Variants in OR2T11 observed in about 807,000 individuals in gnomAD.
OR2T11 encodes olfactory receptor family 2 subfamily T member 11.
In OR2T11, 14 loss-of-function variants were observed where a neutral mutation model predicts 13.5. The ratio of observed to expected loss-of-function variants is 1.04; its 90% CI spans 0.69 to 1.62. The LOEUF (loss-of-function observed/expected upper bound fraction) is 1.62, where lower values mean the gene tolerates loss of function less well. OR2T11 is among the 40% of genes most tolerant of loss of function. OR2T11 has a pLI of 0.00. For missense variants in OR2T11, 410 were observed against 389.7 expected (o/e 1.05, Z -0.44); for synonymous variants, 163 against 154.6 (o/e 1.05, Z -0.40).
At position 248,626,322 on chromosome 1, in the gene OR2T11, T is replaced by G; in HGVS notation, c.807A>C (p.Lys269Asn). The change falls in exon 2 of 2, where the codon AAA becomes AAC. Residue 269 changes from lysine (K) to asparagine (N), a missense_variant. Lys to Asn is a moderately conservative substitution (Grantham distance 94, BLOSUM62 0). Coordinates refer to ENST00000641193, the MANE Select transcript of OR2T11 (RefSeq NM_001001964.2). ...CAATGGTATAGAAGGCTGACACTAC[T>G]TTGTCCTGCTCGGGGGTGTGGAAGG... is the stretch of plus-strand genomic sequence containing the variant. ...PQSFHTPEQD[K>N]VVSAFYTIVT... is the part of the protein sequence containing the mutation. 6.4e-7 allele frequency: 1 copy of G among 1,572,516 alleles called. No individual in the cohort carries two copies. The highest frequency in any genetic ancestry group is 1.1e-5 in the South Asian group (1 of 88,886).
chr1:248,631,766 T>A (rs1001106546), intron 1 of OR2T11, among the ~76,000 whole-genome samples: 4 of 142,910 alleles, frequency 2.8e-5, no homozygotes, highest in African/African-American at 1.1e-4. Context: ...AAAAATCTCA[T>A]CAAATGTACC....
chr1:248,634,915 TAATAAGG>T (rs1660666213), intron 1 of OR2T11, 116 bp downstream of exon 1: 1 of 145,180 alleles, frequency 6.9e-6, no homozygotes, highest in East Asian at 2.0e-4. Context: ...ATAAAGCAGT[TAATAAGG>T]TATGTAATAA....
Position 248,634,669 on chromosome 1 carries a change from A to AAAT in OR2T11, c.-145+368_-145+369insATT, listed in dbSNP as rs1325972246. 2.2e-5 allele frequency among the ~76,000 whole-genome samples: 3 copies of AAAT among 138,658 alleles called. No individual in the cohort carries two copies. The East Asian group carries it at 6.3e-4, about 29-fold the overall frequency. 91.0% of individuals were successfully genotyped at this position (138,658 alleles called of 152,430 possible). ...CTTTATGTATGGAACTTCTTTGTAG[A>AAAT]GTCAGGACCTGACGTTTCAGTCATT... On this transcript the variant is annotated intron_variant, in intron 1 of 1. Transcript: ENST00000641193.
At position 248,633,697 on chromosome 1, in the gene OR2T11, A is replaced by G. The variant is rs1325007760; in HGVS notation, c.-145+1341T>C. 1.6e-4 allele frequency among the ~76,000 whole-genome samples: 2 copies of G among 12,800 alleles called. 1 individual carries two copies. Among genetic ancestry groups the G allele is most frequent in the Admixed American group, 3.0e-3 (2 of 662 alleles). The allele number at this position is 12,800 out of a possible 152,430, so 8.4% of individuals were successfully genotyped here. ...CAAGTTTATAGAATACTTCATTAAC[A>G]TCACTGGTCATTTCAATTAAACACT... On this transcript the variant is annotated intron_variant, in intron 1 of 1. Coordinates refer to ENST00000641193, the MANE Select transcript of OR2T11 (RefSeq NM_001001964.2).
Position 248,626,374 on chromosome 1 carries a change from G to A in OR2T11, c.755C>T (p.Ala252Val), listed in dbSNP as rs1235848068. Residue 252 changes from alanine to valine, a missense_variant, in exon 2 of 2, where the codon GCC (alanine) becomes GTC (valine). Physicochemically the swap from Ala to Val is moderately conservative, Grantham distance 64. Transcript: ENST00000641193. ...CTGGGGCAGCACGTATGTGTAGAAG[G>A]CAGCCCCATAGAAGATGCTAACTAC... ...LTVVSIFYGA[A>V]FYTYVLPQSF... 1.9e-6 allele frequency: 3 copies of A among 1,573,196 alleles called. No homozygotes were observed. Among genetic ancestry groups the A allele is most frequent in the South Asian group, 2.2e-5 (2 of 88,910 alleles).
chr1:248,626,833 A>G lies in OR2T11; in HGVS notation c.296T>C (p.Phe99Ser). The G allele has an allele frequency of 6.4e-7, 1 of 1,572,472 alleles. No homozygotes were observed. Among genetic ancestry groups the G allele is most frequent in the Non-Finnish European group, 8.6e-7 (1 of 1,156,350 alleles). The change falls in exon 2 of 2, where the codon TTC (phenylalanine) becomes TCC (serine). Residue 99 changes from phenylalanine (F) to serine (S), a missense_variant. Phe to Ser is a radical substitution (Grantham distance 155). Coordinates refer to ENST00000641193, the MANE Select transcript of OR2T11 (RefSeq NM_001001964.2). Reference protein sequence around the residue: ...ISFVACGIQIFLYLTMIGSEF... With the variant: ...ISFVACGIQISLYLTMIGSEF... ...AGAACCAATCATGGTCAGGTAGAGG[A>G]AGATCTGGATGCCACAGGCCACAAA...
At position 248,631,105 on chromosome 1, in the gene OR2T11, C is replaced by T. The variant is rs1660607112; in HGVS notation, c.-144-3833G>A. 1.4e-5 allele frequency among the ~76,000 whole-genome samples: 2 copies of T among 143,142 alleles called. 1 individual carries two copies. The highest frequency in any genetic ancestry group is 5.5e-5 in the African/African-American group (2 of 36,260). The allele number at this position is 143,142 out of a possible 152,430, so 93.9% of individuals were successfully genotyped here. ...ACCTCATAGAAAAGTAGGTAGCCTTCCCAACATCGTGATTTCAGTCCAGTG... is the reference window on the plus strand; with the variant it reads ...ACCTCATAGAAAAGTAGGTAGCCTTTCCAACATCGTGATTTCAGTCCAGTG... On this transcript the variant is annotated intron_variant, in intron 1 of 1. Transcript: ENST00000641193.
chr1:248,624,152 A>G lies in OR2T11; in HGVS notation c.*2026T>C, dbSNP rs1481310458. The G allele has an allele frequency of 2.1e-5, 3 of 143,072 alleles. No homozygotes were observed. The highest frequency in any genetic ancestry group is 4.5e-5 in the Non-Finnish European group (3 of 66,264). 8.9% of individuals were successfully genotyped at this position (143,072 alleles called of 1,614,324 possible). Reference sequence around the variant, plus strand: ...GTGCTTTCGGCCACTCTCAAAGGCCATCTTTCTGAAACTTTCCTCCATTTC... The same window carrying G: ...GTGCTTTCGGCCACTCTCAAAGGCCGTCTTTCTGAAACTTTCCTCCATTTC... On this transcript the variant is annotated 3_prime_UTR_variant, in exon 2 of 2. Transcript: ENST00000641193.
At position 248,626,407 on chromosome 1, in the gene OR2T11, T is replaced by C; in HGVS notation, c.722A>G (p.His241Arg). 1 of 1,571,418 alleles carries C rather than the reference T, an allele frequency of 6.4e-7. No individual in the cohort carries two copies. The highest frequency in any genetic ancestry group is 8.7e-7 in the Non-Finnish European group (1 of 1,155,810). Residue 241 changes from histidine (H) to arginine (R), a missense_variant, in exon 2 of 2, where the codon CAC becomes CGC. By Grantham distance (29) the His-to-Arg change is conservative (BLOSUM62 0). Coordinates refer to ENST00000641193, the MANE Select transcript of OR2T11 (RefSeq NM_001001964.2). ...ATAGAAGATGCTAACTACAGTCAAG[T>C]GGGAGGAACAAGTGGTGAAGGCCTT... is the stretch of plus-strand genomic sequence containing the variant. ...RKKAFTTCSS[H>R]LTVVSIFYGA...
At chr1:248,634,820 G>A (rs4916149) in intron 1 of OR2T11, among the ~76,000 whole-genome samples, 3 of 142,996 alleles carry the variant, frequency 2.1e-5, no homozygotes, top group African/African-American at 5.5e-5. Context: ...AGAGGTCTGC[G>A]TTTTTCCTTT....
chr1:248,630,695 T>TATGAAGTTAATTA lies in OR2T11; in HGVS notation c.-144-3424_-144-3423insTAATTAACTTCAT, dbSNP rs1245902577. Among the ~76,000 whole-genome samples, 4 of 144,256 alleles carry TATGAAGTTAATTA rather than the reference T, an allele frequency of 2.8e-5. 1 individual carries two copies. Among genetic ancestry groups the TATGAAGTTAATTA allele is most frequent in the Admixed American group, 1.4e-4 (2 of 14,776 alleles). 94.6% of individuals were successfully genotyped at this position (144,256 alleles called of 152,430 possible). On this transcript the variant is annotated intron_variant, in intron 1 of 1. Transcript: ENST00000641193. ...AATGCCATAGGGCTTATTAATTTGC[T>TATGAAGTTAATTA]ACTTAAATTGAACGACACTGTAATA...
chr1:248,630,189 A>G lies in OR2T11; in HGVS notation c.-144-2917T>C, dbSNP rs534701867. Among the ~76,000 whole-genome samples the G allele has an allele frequency of 6.5e-4, 93 of 143,318 alleles. 13 individuals are homozygous for G. Among genetic ancestry groups the G allele is most frequent in the Non-Finnish European group, 1.3e-3 (84 of 66,106 alleles). 94.0% of individuals were successfully genotyped at this position (143,318 alleles called of 152,430 possible). On this transcript the variant is annotated intron_variant, in intron 1 of 1. Coordinates refer to ENST00000641193, the MANE Select transcript of OR2T11 (RefSeq NM_001001964.2). ...ATTTTATATAATGTGCTGAAGAGAAATAATTTTTTTTAATGCTAGGCACTT... is the reference window on the plus strand; with the variant it reads ...ATTTTATATAATGTGCTGAAGAGAAGTAATTTTTTTTAATGCTAGGCACTT...
In OR2T11 at chr1:248,627,073, T is replaced by C. The variant is rs149465466; in HGVS notation, c.56A>G (p.Glu19Gly). Residue 19 changes from glutamate to glycine, a missense_variant, in exon 2 of 2, where the codon GAG becomes GGG. Transcript: ENST00000641193. The part of the protein sequence containing the change: ...FTLLGLLVNS[E>G]AAGIVFTVIL... ...CACTGTAAATACAATCCCGGCAGCC[T>C]CACTGTTCACCAGAAGCCCCAGGAG... The C allele has an allele frequency of 2.8e-4, 433 of 1,569,786 alleles. 50 individuals carry two copies. The Middle Eastern group carries it at 3.9e-3, about 14-fold the overall frequency.
rs763965294 is a variant in OR2T11, at chr1:248,626,456, T to TG, written c.672dup (p.Met225HisfsTer5). ...TTTTTGCGACCTTCAGCAGAGGGCA[T>TG]GCGGTGGATGGTTAACAAGATGAGG... On this transcript the variant is annotated frameshift_variant, in exon 2 of 2. Transcript: ENST00000641193. LOFTEE classifies it high-confidence loss of function. 1.9e-6 allele frequency: 3 copies of TG among 1,572,394 alleles called. 1 individual carries two copies. Among genetic ancestry groups the TG allele is most frequent in the Non-Finnish European group, 2.6e-6 (3 of 1,156,480 alleles).
rs562662761 is a variant in OR2T11 at position 248,628,673 on chromosome 1, T to C, written c.-144-1401A>G. Among the ~76,000 whole-genome samples the C allele has an allele frequency of 3.1e-4, 45 of 143,470 alleles. 6 individuals carry two copies. Among genetic ancestry groups the C allele is most frequent in the African/African-American group, 1.1e-3 (40 of 36,560 alleles). 94.1% of individuals were successfully genotyped at this position (143,470 alleles called of 152,430 possible). ...TGGTTTCACAAAGGTACCAGAATTG[T>C]TATGACCTTGAAAAGTGACCAGTAG... On this transcript the variant is annotated intron_variant, in intron 1 of 1. Transcript: ENST00000641193.
chr1:248,628,359 G>A lies in OR2T11; in HGVS notation c.-144-1087C>T, dbSNP rs566974897. 5.0e-5 allele frequency among the ~76,000 whole-genome samples: 7 copies of A among 140,618 alleles called. 1 individual carries two copies. The highest frequency in any genetic ancestry group is 2.0e-4 in the African/African-American group (7 of 35,180). 92.3% of individuals were successfully genotyped at this position (140,618 alleles called of 152,430 possible). A position where few individuals can be genotyped will look rare whatever the true frequency, so the allele number is the denominator to read the frequency against. ...CTCCTCCCCGGCATGGTAGGCCTCA[G>A]TGGCTTGAGTCTCAAACATTTGTGT... On this transcript the variant is annotated intron_variant, in intron 1 of 1. Coordinates refer to ENST00000641193, the MANE Select transcript of OR2T11 (RefSeq NM_001001964.2).
chr1:248,626,195 C>T lies in OR2T11; in HGVS notation c.934G>A (p.Ala312Thr), dbSNP rs746166943. Residue 312 changes from alanine (A) to threonine (T), a missense_variant, in exon 2 of 2, where the codon GCA (alanine) becomes ACA (threonine). Transcript: ENST00000641193. ...FACCSSAQKV[A>T]TSDA ...GTGACTCTCTAAGCATCACTTGTTG[C>T]TACTTTCTGAGCAGATGAGCAACAT... The T allele has an allele frequency of 6.6e-7, 1 of 1,517,704 alleles. No individual in the cohort carries two copies. Among genetic ancestry groups the T allele is most frequent in the Non-Finnish European group, 9.0e-7 (1 of 1,107,308 alleles). The allele number at this position is 1,517,704 out of a possible 1,614,324, so 94.0% of individuals were successfully genotyped here. A position where few individuals can be genotyped will look rare whatever the true frequency, so the allele number is the denominator to read the frequency against.
chr1:248,631,273 T>C (rs1416875990), intron 1 of OR2T11, among the ~76,000 whole-genome samples: 5 of 143,590 alleles, frequency 3.5e-5, no homozygotes, highest in Admixed American at 2.7e-4. Context: ...GTTGCAATAA[T>C]GAATTGGCCA....
At position 248,626,491 on chromosome 1, in the gene OR2T11, G is replaced by GTGGAGATGATAGAGA. The variant is rs1660522061; in HGVS notation, c.623_637dup (p.Ile208_Ser212dup). 5.7e-6 allele frequency: 9 copies of GTGGAGATGATAGAGA among 1,572,790 alleles called. No individual in the cohort carries two copies. The highest frequency in any genetic ancestry group is 6.1e-6 in the Non-Finnish European group (7 of 1,156,308). ...GGTTAACAAGATGAGGGAGTAGGAA[G>GTGGAGATGATAGAGA]TGGAGATGATAGAGATGGGGATGAG... On this transcript the variant is annotated inframe_insertion, in exon 2 of 2. Coordinates refer to ENST00000641193, the MANE Select transcript of OR2T11 (RefSeq NM_001001964.2).
Sources: allele counts gnomAD v4.1 joint callset (sites outside exome capture counted in the v4.1 genomes callset), GRCh38; gene constraint gnomAD v4.1.1; transcripts MANE v1.5; gene names NCBI Gene and HGNC (gene_info 2026-07-23, HGNC 2026-07-21).